The following HMCN1 variants were observed in gnomAD, a reference collection of about 807,000 sequenced individuals.
The protein encoded by HMCN1 is hemicentin-1.
Under a neutral mutation model 625.9 loss-of-function variants are expected in HMCN1, and 321 were observed. The observed-to-expected ratio is 0.51, with a 90% CI of 0.47 to 0.56. The LOEUF (loss-of-function observed/expected upper bound fraction) is 0.56, where lower values mean the gene tolerates loss of function less well. Among genes scored for constraint, HMCN1 ranks in the 20% least tolerant of loss-of-function variants. HMCN1 has a pLI of 0.00. For synonymous variants in HMCN1, 2,425 were observed against 2,417.6 expected, an observed-to-expected ratio of 1.00 and a Z score of -0.09; for missense variants, 6,588 against 6,887.3, an observed-to-expected ratio of 0.96 and a Z score of 1.54.
At chr1:186,164,426 A>G (rs988067217) in intron 97 of HMCN1, among the ~76,000 whole-genome samples, 1 of 151,848 alleles carries the variant, frequency 6.6e-6, no homozygotes, top group Non-Finnish European at 1.5e-5. Flanking sequence ...TTTTTAGTAG[A>G]GACAGACGGG....
chr1:186,074,663 C>T (rs2102355698), intron 52 of HMCN1, 78 bp from the exon 53 acceptor site: 1 of 1,298,946 alleles, frequency 7.7e-7, no homozygotes, highest in South Asian at 1.3e-5. Flanking sequence ...TAAAAAATCA[C>T]AAAAACTATC....
intron 28 of HMCN1, among the ~76,000 whole-genome samples, chr1:186,002,027 T>A (rs1391277003): frequency 1.3e-5 from 2 of 152,064 alleles, no homozygotes; most frequent in African/African-American, 2.4e-5. Flanking sequence ...ATTATTACTC[T>A]TGTCAATTTC....
At position 186,189,671 on chromosome 1, in the gene HMCN1, A is replaced by C; in HGVS notation, c.16701A>C (p.Thr5567=). ...AGGATGGAGTGATGCATCCCAGGAC[A>C]ACTTTCCTCATGGTAGATGAGGAAC... ...YTQDGVMHPR[T]TFLMVDEEQT... is the part of the protein sequence containing the mutation. Residue 5567 remains threonine, a synonymous_variant, in exon 107 of 107, where the codon ACA becomes ACC. Coordinates refer to ENST00000271588, the MANE Select transcript of HMCN1 (RefSeq NM_031935.3). 6.2e-7 allele frequency: 1 copy of C among 1,612,204 alleles called. No individual in the cohort carries two copies. Among genetic ancestry groups the C allele is most frequent in the Non-Finnish European group, 8.5e-7 (1 of 1,178,724 alleles).
intron 1 of HMCN1, among the ~76,000 whole-genome samples, chr1:185,770,946 TG>T (rs1374414525): frequency 6.6e-6 from 1 of 152,132 alleles, no homozygotes; most frequent in African/African-American, 2.4e-5. Flanking sequence ...TTCTCTTTCT[TG>T]GGGCCTATCG....
chr1:186,039,984 G>A, intron 39 of HMCN1, 105 bp downstream of exon 39: 1 of 1,168,306 alleles, frequency 8.6e-7, no homozygotes, highest in Non-Finnish European at 1.3e-6. Flanking sequence ...AGGATTAACA[G>A]ATGCTATTTT....
intron 30 of HMCN1, among the ~76,000 whole-genome samples, chr1:186,012,835 T>A (rs993484914): frequency 6.6e-6 from 1 of 152,166 alleles, no homozygotes; most frequent in African/African-American, 2.4e-5. Context: ...ATCGGGAATA[T>A]TGTGGTGGCT....
chr1:185,994,751 T>A, intron 23 of HMCN1, 64 bp from the exon 24 acceptor site: 1 of 1,518,430 alleles, frequency 6.6e-7, no homozygotes, highest in East Asian at 2.3e-5. Flanking sequence ...GAGCTCTCGT[T>A]TAAAGTGAGT....
intron 1 of HMCN1, among the ~76,000 whole-genome samples, chr1:185,810,658 G>T (rs1571386429): frequency 1.3e-5 from 1 of 78,500 alleles, no homozygotes; most frequent in South Asian, 3.5e-4. Context: ...TCAACTTTGT[G>T]TGTGTGTGTG....
chr1:185,958,927 T>C (rs1649820506), intron 11 of HMCN1, among the ~76,000 whole-genome samples: 1 of 152,208 alleles, frequency 6.6e-6, no homozygotes, highest in African/African-American at 2.4e-5. Context: ...CTTTCCTATT[T>C]CAATGAACTG....
chr1:185,913,850 A>G (rs1038886274), intron 6 of HMCN1, among the ~76,000 whole-genome samples: 1 of 152,144 alleles, frequency 6.6e-6, no homozygotes, highest in Non-Finnish European at 1.5e-5. Flanking sequence ...GACATTACGC[A>G]CATTTTAATT....
chr1:186,174,457 C>T, intron 102 of HMCN1, 57 bp from the exon 103 acceptor site: 1 of 1,601,190 alleles, frequency 6.2e-7, no homozygotes, highest in Non-Finnish European at 8.6e-7. Flanking sequence ...ACTTTAAATA[C>T]AATGACTTTG....
rs190378459 is a variant in HMCN1, at chr1:185,921,175, C to G, written c.901-1204C>G. ...CACTTACACATATAATCTTTTGTAA[C>G]CTTTATGCAAATGAGCCATAGTAAC... On this transcript the variant is annotated intron_variant, in intron 6 of 106. Coordinates refer to ENST00000271588, the MANE Select transcript of HMCN1 (RefSeq NM_031935.3). Among the ~76,000 whole-genome samples the G allele has an allele frequency of 9.1e-4, 139 of 152,226 alleles. 3 individuals carry two copies. The highest frequency in any genetic ancestry group is 2.3e-3 in the Admixed American group (35 of 15,288).
intron 79 of HMCN1, 44 bp downstream of exon 79, chr1:186,119,926 G>A: frequency 6.2e-7 from 1 of 1,613,848 alleles, no homozygotes; most frequent in African/African-American, 1.3e-5. Context: ...TAGCACATCA[G>A]TGTTTTATAA....
chr1:186,001,979 A>C (rs1333754225), intron 28 of HMCN1, among the ~76,000 whole-genome samples: 1 of 152,084 alleles, frequency 6.6e-6, no homozygotes, highest in East Asian at 1.9e-4. Flanking sequence ...AGTATCAAAT[A>C]CTCAAAAGTG....
intron 89 of HMCN1, 134 bp downstream of exon 89, chr1:186,138,106 CT>C: frequency 1.0e-6 from 1 of 999,930 alleles, no homozygotes; most frequent in Non-Finnish European, 1.5e-6. Context: ...TGTTCATTCA[CT>C]ATATTCTTAG....
chr1:185,816,973 T>C (rs1659883025), intron 1 of HMCN1, among the ~76,000 whole-genome samples: 1 of 151,828 alleles, frequency 6.6e-6, no homozygotes, highest in Non-Finnish European at 1.5e-5. Context: ...TGCTGTTGTT[T>C]TTTCTTTCCC....
chr1:185,971,287 T>A (rs776620501), intron 15 of HMCN1, among the ~76,000 whole-genome samples: 1 of 152,180 alleles, frequency 6.6e-6, no homozygotes, highest in Admixed American at 6.6e-5. Context: ...CAATTACTCT[T>A]CAGTGTATGA....
chr1:186,162,557 G>A (rs1182265520), intron 97 of HMCN1, among the ~76,000 whole-genome samples: 1 of 151,982 alleles, frequency 6.6e-6, no homozygotes, highest in Non-Finnish European at 1.5e-5. Context: ...TCTACTTTTG[G>A]TCTTTGATGA....
At chr1:185,796,582 A>G (rs1001431147) in intron 1 of HMCN1, among the ~76,000 whole-genome samples, 4 of 152,208 alleles carry the variant, frequency 2.6e-5, no homozygotes, top group African/African-American at 9.6e-5. Flanking sequence ...CTATGTTGCC[A>G]CAAAAGACAT....
Sources: gnomAD v4.1 joint callset for allele counts (sites outside exome capture counted in the v4.1 genomes callset) on GRCh38, gnomAD v4.1.1 for gene constraint, MANE v1.5 for transcripts, NCBI Gene and HGNC (gene_info 2026-07-23, HGNC 2026-07-21) for gene names.